The following MAP4K5 variants were observed in gnomAD, a reference collection of about 807,000 sequenced individuals.
MAP4K5 encodes the protein mitogen-activated protein kinase kinase kinase kinase 5, also known as MAPK/ERK kinase kinase kinase 5.
MAP4K5 carries 82 observed loss-of-function variants against 135.6 expected under a neutral mutation model. That is an observed-to-expected ratio of 0.60 (90% CI 0.51 to 0.73). MAP4K5 has a LOEUF of 0.73. Ranked by LOEUF, MAP4K5 falls within the 30% of genes least tolerant of loss-of-function variation. MAP4K5 has a pLI of 0.00. For missense variants in MAP4K5, 907 were observed against 1,010.9 expected (o/e 0.90, Z 1.39); for synonymous variants, 347 against 335.0 (o/e 1.04, Z -0.39).
chr14:50,560,460 A>T, intron 1 of MAP4K5: 1 of 975,346 alleles, frequency 1.0e-6, no homozygotes, highest in Non-Finnish European at 1.6e-6. Context: ...CGGAGGAACC[A>T]TGGCCGAGCG....
At chr14:50,485,834 A>G (rs2037351707) in intron 4 of MAP4K5, 192 bp from the exon 5 acceptor site, 1 of 553,824 alleles carries the variant, frequency 1.8e-6, no homozygotes, top group Admixed American at 3.7e-5. Flanking sequence ...TCAGTGGTTT[A>G]GAATATGATC....
intron 23 of MAP4K5, 49 bp downstream of exon 23, chr14:50,439,964 T>C: frequency 7.2e-7 from 1 of 1,393,096 alleles, no homozygotes. Flanking sequence ...ATATTAAAAT[T>C]ACATTTCTCT....
chr14:50,498,564 T>C (rs2037642201), intron 3 of MAP4K5, among the ~76,000 whole-genome samples: 1 of 152,194 alleles, frequency 6.6e-6, no homozygotes, highest in African/African-American at 2.4e-5. Context: ...TTTTGACTAT[T>C]AGGAAGACCT....
At chr14:50,463,027 AT>A (rs2036747168) in intron 12 of MAP4K5, among the ~76,000 whole-genome samples, 2 of 152,206 alleles carry the variant, frequency 1.3e-5, no homozygotes, top group African/African-American at 4.8e-5. Context: ...TCTAATCCAT[AT>A]TAAGTTCTAA....
Position 50,455,610 on chromosome 14 carries a change from T to C in MAP4K5, c.1015+906A>G, listed in dbSNP as rs540745171. Among the ~76,000 whole-genome samples the C allele has an allele frequency of 1.6e-4, 25 of 152,178 alleles. No homozygotes were observed. The South Asian group carries it at 5.0e-3, about 30-fold the overall frequency. ...AAAGATACTCTAACTCTCTAGTGAC[T>C]AAGAGTTTTAAAGCTATGTCCAGAA... is the stretch of plus-strand genomic sequence containing the variant. On this transcript the variant is annotated intron_variant, in intron 14 of 32. Coordinates refer to ENST00000682126, the MANE Select transcript of MAP4K5 (RefSeq NM_006575.6).
intron 9 of MAP4K5, among the ~76,000 whole-genome samples, chr14:50,474,865 A>G (rs1342908081): frequency 1.3e-5 from 2 of 152,242 alleles, no homozygotes; most frequent in African/African-American, 4.8e-5. Flanking sequence ...AATCACAGGG[A>G]TAGTAAAAAT....
chr14:50,454,012 A>G (rs191362635), intron 14 of MAP4K5, among the ~76,000 whole-genome samples: 1 of 152,188 alleles, frequency 6.6e-6, no homozygotes, highest in East Asian at 1.9e-4. Context: ...ATAATAGCCC[A>G]AAACCAGAAA....
chr14:50,442,743 G>C lies in MAP4K5; in HGVS notation c.1553C>G (p.Pro518Arg). 6.3e-7 allele frequency: 1 copy of C among 1,591,814 alleles called. No individual in the cohort carries two copies. The highest frequency in any genetic ancestry group is 1.4e-5 in the African/African-American group (1 of 74,024). Residue 518 changes from proline (P) to arginine (R), a missense_variant, in exon 21 of 33, where the codon CCT becomes CGT. Physicochemically the swap from Pro to Arg is moderately radical, Grantham distance 103 (BLOSUM62 -2). Around this residue, in one of 3 missense-constraint regions of MAP4K5, gnomAD observed 690 missense variants for 777.4 expected, o/e 0.89. Coordinates refer to ENST00000682126, the MANE Select transcript of MAP4K5 (RefSeq NM_006575.6). ...KINCATSWIH[P>R]DTKDQYIIFG... ...TTCAAACATTTTACCTTTTGTATCA[G>C]GATGTATCCAGGATGTTGCACAATT...
At position 50,495,486 on chromosome 14, in the gene MAP4K5, G is replaced by A. The variant is rs1006923294; in HGVS notation, c.167-9292C>T. On this transcript the variant is annotated intron_variant, in intron 3 of 32. Transcript: ENST00000682126. ...ACTGTTACTGACATTGCAAACTGGT[G>A]AGACTGCAACAGAAAACAGTATTTC... Among the ~76,000 whole-genome samples, 5 of 152,216 alleles carry A rather than the reference G, an allele frequency of 3.3e-5. No individual in the cohort carries two copies. In the East Asian group the frequency reaches 9.6e-4, roughly 29 times the overall value.
chr14:50,542,969 G>C (rs2038585261), intron 1 of MAP4K5, among the ~76,000 whole-genome samples: 1 of 152,222 alleles, frequency 6.6e-6, no homozygotes, highest in African/African-American at 2.4e-5. Flanking sequence ...GAAGATTTGA[G>C]ATAAGGAAGT....
Position 50,443,738 on chromosome 14 carries a change from TG to T in MAP4K5, c.1469del (p.Pro490GlnfsTer4). On this transcript the variant is annotated frameshift_variant, in exon 20 of 33. Transcript: ENST00000682126. LOFTEE classifies it high-confidence loss of function. Reference sequence around the variant, plus strand: ...TAAAAATATTCCTTACCAGAACTTTTGGGGTGGGTGGAAGGCCATTGATGGC... The same window carrying T: ...TAAAAATATTCCTTACCAGAACTTTTGGGTGGGTGGAAGGCCATTGATGGC... ...KPAINGLPPT[P>X]KVLMGACFSK... is the part of the protein sequence containing the mutation. 1 of 1,597,258 alleles carries T rather than the reference TG, an allele frequency of 6.3e-7. No individual in the cohort carries two copies. The highest frequency in any genetic ancestry group is 8.5e-7 in the Non-Finnish European group (1 of 1,175,414).
At chr14:50,493,282 T>C (rs2037525128) in intron 3 of MAP4K5, among the ~76,000 whole-genome samples, 1 of 152,130 alleles carries the variant, frequency 6.6e-6, no homozygotes, top group African/African-American at 2.4e-5. Context: ...TCAAAAATTT[T>C]TAGTAGAGAC....
chr14:50,548,980 C>T (rs1412121494), intron 1 of MAP4K5, among the ~76,000 whole-genome samples: 1 of 152,094 alleles, frequency 6.6e-6, no homozygotes. Context: ...CTAACCAAGC[C>T]CGTCTCTGGG....
chr14:50,545,534 G>C (rs950899234), intron 1 of MAP4K5, among the ~76,000 whole-genome samples: 1 of 152,174 alleles, frequency 6.6e-6, no homozygotes, highest in African/African-American at 2.4e-5. Flanking sequence ...GAAAATTCCA[G>C]TGGGGAGTAA....
rs1259209782 is a variant in MAP4K5 at position 50,418,621 on chromosome 14, T to C, written c.*1398A>G. On this transcript the variant is annotated 3_prime_UTR_variant, in exon 33 of 33. Coordinates refer to ENST00000682126, the MANE Select transcript of MAP4K5 (RefSeq NM_006575.6). Reference sequence around the variant, plus strand: ...TCAACTACTAACTTGCTGTGTAAATTGGATAGATCTCTTAACCTTGCTAAA... The same window carrying C: ...TCAACTACTAACTTGCTGTGTAAATCGGATAGATCTCTTAACCTTGCTAAA... 6.6e-6 allele frequency: 1 copy of C among 152,670 alleles called. No individual in the cohort carries two copies. Among genetic ancestry groups the C allele is most frequent in the South Asian group, 2.1e-4 (1 of 4,832 alleles). The allele number at this position is 152,670 out of a possible 1,614,324, so 9.5% of individuals were successfully genotyped here.
At chr14:50,498,825 A>G (rs952590393) in intron 3 of MAP4K5, among the ~76,000 whole-genome samples, 3 of 152,230 alleles carry the variant, frequency 2.0e-5, no homozygotes, top group African/African-American at 7.2e-5. Context: ...TTTCATGTCT[A>G]AATACAATTT....
At chr14:50,430,096 C>T (rs2035936098) in intron 28 of MAP4K5, among the ~76,000 whole-genome samples, 1 of 151,890 alleles carries the variant, frequency 6.6e-6, no homozygotes, top group Admixed American at 6.6e-5. Flanking sequence ...ATGTACTACA[C>T]AGACATTTCA....
intron 6 of MAP4K5, among the ~76,000 whole-genome samples, chr14:50,477,678 T>TA (rs1454860415): frequency 4.6e-5 from 7 of 152,182 alleles, no homozygotes; most frequent in Non-Finnish European, 7.4e-5. Context: ...AACTTTTTTT[T>TA]ATCAGGAATG....
intron 1 of MAP4K5, chr14:50,559,890 G>A: frequency 3.1e-6 from 1 of 319,966 alleles, no homozygotes; most frequent in South Asian, 3.5e-5. Flanking sequence ...ATCGGTTTGT[G>A]TATTTCTGAT....
Sources: gnomAD v4.1 joint callset for allele counts (sites outside exome capture counted in the v4.1 genomes callset) on GRCh38, gnomAD v4.1.1 for gene constraint, gnomAD v4.1.1 regional missense constraint, MANE v1.5 for transcripts, NCBI Gene and HGNC (gene_info 2026-07-23, HGNC 2026-07-21) for gene names.